Variants in PLSCR1 observed in about 807,000 individuals in gnomAD.
PLSCR1 encodes the protein PL scramblase 1.
Under a neutral mutation model 37.8 loss-of-function variants are expected in PLSCR1, and 17 were observed. That is an observed-to-expected ratio of 0.45 (90% confidence interval 0.31 to 0.68). The LOEUF (loss-of-function observed/expected upper bound fraction) is 0.68, where lower values mean the gene tolerates loss of function less well. Ranked by LOEUF, PLSCR1 falls within the 30% of genes least tolerant of loss-of-function variation. The probability of loss-of-function intolerance (pLI) is 0.06; values close to 1 mark genes in which losing one functional copy is unlikely to be tolerated. For synonymous variants in PLSCR1, 116 were observed against 125.9 expected, an observed-to-expected ratio of 0.92 and a Z score of 0.53; for missense variants, 347 against 380.9, an observed-to-expected ratio of 0.91 and a Z score of 0.74.
chr3:146,522,003 C>A lies in PLSCR1; in HGVS notation c.406G>T (p.Gly136Ter). Residue 136 changes from glycine (G) to a stop codon, truncating the protein, a stop_gained, in exon 6 of 9, where the codon GGA (glycine) becomes TGA (stop). Coordinates refer to ENST00000342435, the MANE Select transcript of PLSCR1 (RefSeq NM_021105.3). LOFTEE classifies it high-confidence loss of function. ...TCCGCTGCAAAGTAAACCCTCTGTC[C>A]AAAGCTGTTCTTAATTTCATATTTG... ...NNKYEIKNSF[G>*]QRVYFAAEDT... The A allele has an allele frequency of 1.2e-6, 2 of 1,612,750 alleles. No individual in the cohort carries two copies. Among genetic ancestry groups the A allele is most frequent in the Non-Finnish European group, 1.7e-6 (2 of 1,178,806 alleles).
intron 5 of PLSCR1, among the ~76,000 whole-genome samples, chr3:146,523,002 T>C (rs553868448): frequency 2.6e-5 from 4 of 152,294 alleles, no homozygotes; most frequent in South Asian, 4.1e-4. Flanking sequence ...CCCACTATTA[T>C]CCTATTGTCC....
intron 5 of PLSCR1, among the ~76,000 whole-genome samples, chr3:146,523,362 G>A (rs2044059565): frequency 6.6e-6 from 1 of 152,196 alleles, no homozygotes; most frequent in African/African-American, 2.4e-5. Context: ...TAGATAAAAT[G>A]TCCACTAATG....
intron 2 of PLSCR1, among the ~76,000 whole-genome samples, chr3:146,535,296 T>C (rs544247014): frequency 6.6e-6 from 1 of 152,160 alleles, no homozygotes; most frequent in South Asian, 2.1e-4. Context: ...CAAGAAATCA[T>C]GAGCTCACAA....
In PLSCR1 at chr3:146,521,594, T is replaced by C. The variant is rs762351056; in HGVS notation, c.688A>G (p.Ile230Val). 4.3e-6 allele frequency: 7 copies of C among 1,613,812 alleles called. No individual in the cohort carries two copies. The highest frequency in any genetic ancestry group is 5.1e-6 in the Non-Finnish European group (6 of 1,179,848). The change falls in exon 7 of 9, where the codon ATA becomes GTA. Residue 230 changes from isoleucine (I) to valine (V), a missense_variant. Ile to Val is a conservative substitution (Grantham distance 29). Coordinates refer to ENST00000342435, the MANE Select transcript of PLSCR1 (RefSeq NM_021105.3). Reference protein sequence around the residue: ...QNEKREDVLKISGPCVVCSCC... With the variant: ...QNEKREDVLKVSGPCVVCSCC... The stretch of plus-strand genomic sequence containing the variant: ...CTGCACACAACACATGGACCACTTA[T>C]TTTTAGTACATCCTCTCTTTTCTCA...
intron 3 of PLSCR1, among the ~76,000 whole-genome samples, chr3:146,531,055 A>C (rs139482418): frequency 5.9e-5 from 9 of 152,324 alleles, no homozygotes; most frequent in African/African-American, 2.2e-4. Context: ...GTAAGAGACC[A>C]CGGTTTTATG....
At position 146,515,885 on chromosome 3, in the gene PLSCR1, C is replaced by G; in HGVS notation, c.*160G>C. On this transcript the variant is annotated 3_prime_UTR_variant, in exon 9 of 9. Transcript: ENST00000342435. ...TGAGTATTAAAAAATGTACAAAAAC[C>G]TTTATAAATCAGTTATACAGAAGAT... 3 of 457,586 alleles carry G rather than the reference C, an allele frequency of 6.6e-6. No individual in the cohort carries two copies. In the South Asian group the frequency reaches 1.3e-4, roughly 20 times the overall value. 28.3% of individuals were successfully genotyped at this position (457,586 alleles called of 1,614,324 possible).
chr3:146,537,559 G>A (rs939571395), intron 1 of PLSCR1, among the ~76,000 whole-genome samples: 9 of 152,070 alleles, frequency 5.9e-5, no homozygotes, highest in African/African-American at 1.9e-4. Flanking sequence ...AGAAGAAACC[G>A]CCTTCCTCCT....
rs564365549 is a variant in PLSCR1, at chr3:146,531,056, C to T, written c.95-2225G>A. On this transcript the variant is annotated intron_variant, in intron 3 of 8. Coordinates refer to ENST00000342435, the MANE Select transcript of PLSCR1 (RefSeq NM_021105.3). ...ATAAATGCTTTCAAGTAAGAGACCA[C>T]GGTTTTATGACTAGAGATGCCAAAG... Among the ~76,000 whole-genome samples, 10 of 152,192 alleles carry T rather than the reference C, an allele frequency of 6.6e-5. No homozygotes were observed. The South Asian group carries it at 1.7e-3, about 25-fold the overall frequency.
intron 4 of PLSCR1, among the ~76,000 whole-genome samples, chr3:146,527,353 A>G (rs1477895063): frequency 6.6e-6 from 1 of 152,232 alleles, no homozygotes; most frequent in Non-Finnish European, 1.5e-5. Context: ...TCTCAACACT[A>G]AGAAATGATA....
intron 7 of PLSCR1, among the ~76,000 whole-genome samples, chr3:146,518,628 AG>A (rs1235879891): frequency 1.3e-5 from 2 of 152,182 alleles, no homozygotes; most frequent in Non-Finnish European, 2.9e-5. Flanking sequence ...ACAACTTACT[AG>A]CCACCGTAAA....
chr3:146,538,919 C>T (rs1048126421), intron 1 of PLSCR1, among the ~76,000 whole-genome samples: 4 of 152,132 alleles, frequency 2.6e-5, no homozygotes, highest in Admixed American at 6.5e-5. Context: ...AATTCATAAA[C>T]CCATGCTATG....
At chr3:146,531,132 T>A (rs2587025) in intron 3 of PLSCR1, among the ~76,000 whole-genome samples, 1 of 151,980 alleles carries the variant, frequency 6.6e-6, no homozygotes, top group Non-Finnish European at 1.5e-5. Context: ...AACAGCTGCC[T>A]TGAGGGGTCA....
intron 4 of PLSCR1, among the ~76,000 whole-genome samples, chr3:146,526,183 C>CA (rs60229241): frequency 0.33 from 14,129 of 42,672 alleles, 2,464 homozygotes; most frequent in Non-Finnish European, 0.36. Flanking sequence ...GACTCCATCT[C>CA]AAAAAAAAAA....
Position 146,516,095 on chromosome 3 carries a change from T to C in PLSCR1, c.907A>G (p.Met303Val). The C allele has an allele frequency of 6.2e-7, 1 of 1,605,124 alleles. No individual in the cohort carries two copies. Among genetic ancestry groups the C allele is most frequent in the Non-Finnish European group, 8.5e-7 (1 of 1,173,262 alleles). The change falls in exon 9 of 9, where the codon ATG becomes GTG. Residue 303 changes from methionine to valine, a missense_variant. By Grantham distance (21) the Met-to-Val change is conservative. Coordinates refer to ENST00000342435, the MANE Select transcript of PLSCR1 (RefSeq NM_021105.3). Reference protein sequence around the residue: ...MIGACFLIDFMFFESTGSQEQ... With the variant: ...MIGACFLIDFVFFESTGSQEQ... The stretch of plus-strand genomic sequence containing the variant: ...TGGCTGCCAGTGCTTTCAAAAAACA[T>C]GAAGTCCTAGATAAAAACAAAAGTA...
At chr3:146,529,967 C>T (rs2044173646) in intron 3 of PLSCR1, among the ~76,000 whole-genome samples, 1 of 152,096 alleles carries the variant, frequency 6.6e-6, no homozygotes, top group Admixed American at 6.5e-5. Context: ...TTAAATTTCA[C>T]AATTTAACAT....
At chr3:146,535,746 A>C (rs2044257622) in intron 2 of PLSCR1, among the ~76,000 whole-genome samples, 1 of 152,324 alleles carries the variant, frequency 6.6e-6, no homozygotes, top group South Asian at 2.1e-4. Context: ...ACATTTAAAA[A>C]GCTTTGAGTT....
At chr3:146,522,270 GAA>G (rs1234809679) in intron 5 of PLSCR1, among the ~76,000 whole-genome samples, 1 of 152,096 alleles carries the variant, frequency 6.6e-6, no homozygotes, top group East Asian at 1.9e-4. Flanking sequence ...ATGCCGTGGG[GAA>G]AAGAGAGATC....
chr3:146,524,734 T>C (rs2044082357), intron 5 of PLSCR1, among the ~76,000 whole-genome samples: 1 of 152,182 alleles, frequency 6.6e-6, no homozygotes, highest in South Asian at 2.1e-4. Flanking sequence ...AATAATAATG[T>C]GCTTTACAAA....
intron 5 of PLSCR1, 60 bp downstream of exon 5, chr3:146,525,545 C>G: frequency 1.2e-6 from 1 of 844,032 alleles, no homozygotes; most frequent in South Asian, 1.4e-5. Flanking sequence ...GGTCAATGTG[C>G]CTTTATCTGC....
Sources: gnomAD v4.1 joint callset for allele counts (sites outside exome capture counted in the v4.1 genomes callset) on GRCh38, gnomAD v4.1.1 for gene constraint, MANE v1.5 for transcripts, NCBI Gene and HGNC (gene_info 2026-07-23, HGNC 2026-07-21) for gene names.